Variants in PRR16 observed in about 807,000 individuals in gnomAD.
The protein encoded by PRR16 is protein Largen.
A neutral mutation model predicts 18.2 loss-of-function variants in PRR16; 6 were observed. The ratio of observed to expected loss-of-function variants is 0.33; its 90% CI spans 0.18 to 0.65. The LOEUF (loss-of-function observed/expected upper bound fraction) is 0.65, where lower values mean the gene tolerates loss of function less well. Ranked by LOEUF, PRR16 falls within the 30% of genes least tolerant of loss-of-function variation. The pLI is 0.74. For synonymous variants in PRR16, 151 were observed against 147.8 expected, an observed-to-expected ratio of 1.02 and a Z score of -0.16; for missense variants, 412 against 376.6, an observed-to-expected ratio of 1.09 and a Z score of -0.78.
chr5:120,531,777 A>T (rs539551835), intron 1 of PRR16, among the ~76,000 whole-genome samples: 6 of 152,260 alleles, frequency 3.9e-5, no homozygotes, highest in African/African-American at 1.4e-4. Context: ...TCCCAAGCAG[A>T]ATGATAAATT....
the PRR16 span, among the ~76,000 whole-genome samples, chr5:120,708,987 T>A: frequency 1.3e-3 from 2 of 1,508 alleles, no homozygotes; most frequent in African/African-American, 2.2e-3. Context: ...ACTTTTTTTT[T>A]TTTTTTTTTT....
chr5:120,545,025 C>T (rs1289226729), intron 1 of PRR16, among the ~76,000 whole-genome samples: 1 of 152,010 alleles, frequency 6.6e-6, no homozygotes, highest in Non-Finnish European at 1.5e-5. Flanking sequence ...TCCTTGTAGC[C>T]CAAGTCATCA....
At chr5:120,754,413 C>CTATATACTATATAATA in the PRR16 span, among the ~76,000 whole-genome samples, 1 of 24,194 alleles carries the variant, frequency 4.1e-5, no homozygotes, top group Non-Finnish European at 6.6e-5. Context: ...ATACTATATA[C>CTATATACTATATAATA]TATATATTAT....
the PRR16 span, among the ~76,000 whole-genome samples, chr5:120,780,173 C>G: frequency 1.3e-5 from 2 of 152,116 alleles, no homozygotes; most frequent in African/African-American, 4.8e-5. Context: ...TTATGAGCCC[C>G]AGACTCCAAA....
the PRR16 span, among the ~76,000 whole-genome samples, chr5:120,783,167 G>A: frequency 1.3e-5 from 2 of 152,096 alleles, no homozygotes; most frequent in African/African-American, 4.8e-5. Flanking sequence ...TGTTAACTTA[G>A]AACCAATGAT....
At chr5:120,784,729 G>T in the PRR16 span, among the ~76,000 whole-genome samples, 2 of 152,064 alleles carry the variant, frequency 1.3e-5, no homozygotes, top group African/African-American at 2.4e-5. Flanking sequence ...TTTTTCCCAG[G>T]TCTCAAGGAA....
At chr5:120,777,968 TTATTA>T in the PRR16 span, among the ~76,000 whole-genome samples, 3 of 152,100 alleles carry the variant, frequency 2.0e-5, no homozygotes, top group Non-Finnish European at 2.9e-5. Context: ...ATTATGGAAG[TTATTA>T]TATTTAATTC....
rs147633115 is a variant in PRR16, at chr5:120,500,344, C to T, written c.159+35699C>T. On this transcript the variant is annotated intron_variant, in intron 1 of 1. Coordinates refer to ENST00000407149, the MANE Select transcript of PRR16 (RefSeq NM_001300783.2). ...TGGCTGGGGATTGGTTCTTGAAGTC[C>T]CTAGCTTGTCTTTCTTCTTCTATCA... is the stretch of plus-strand genomic sequence containing the variant. Among the ~76,000 whole-genome samples, 7 of 152,158 alleles carry T rather than the reference C, an allele frequency of 4.6e-5. No individual in the cohort carries two copies. In the East Asian group the frequency reaches 1.4e-3, roughly 29 times the overall value.
At chr5:120,663,335 C>G (rs758651608) in intron 1 of PRR16, among the ~76,000 whole-genome samples, 4 of 152,104 alleles carry the variant, frequency 2.6e-5, no homozygotes, top group Non-Finnish European at 5.9e-5. Flanking sequence ...GAAGGGAATT[C>G]TACTTTATTC....
the PRR16 span, chr5:120,781,416 T>TGAA: frequency 6.6e-6 from 1 of 152,104 alleles, no homozygotes; most frequent in Non-Finnish European, 1.5e-5. Flanking sequence ...GACGCATGAG[T>TGAA]GAATAAAAAA....
chr5:120,765,450 A>G, the PRR16 span, among the ~76,000 whole-genome samples: 1 of 152,072 alleles, frequency 6.6e-6, no homozygotes, highest in African/African-American at 2.4e-5. Flanking sequence ...AAACTGTGAA[A>G]AACATCCAAC....
At chr5:120,540,234 A>C (rs375935100) in intron 1 of PRR16, among the ~76,000 whole-genome samples, 2 of 152,174 alleles carry the variant, frequency 1.3e-5, no homozygotes, top group Non-Finnish European at 2.9e-5. Flanking sequence ...CAGGACACAA[A>C]TTCTCAGCAG....
At chr5:120,671,852 T>A (rs952733135) in intron 1 of PRR16, among the ~76,000 whole-genome samples, 2 of 152,164 alleles carry the variant, frequency 1.3e-5, no homozygotes, top group Non-Finnish European at 2.9e-5. Context: ...AGAAATCTCA[T>A]GAACATAACT....
intron 1 of PRR16, among the ~76,000 whole-genome samples, chr5:120,564,988 GAAAAA>G (rs34900155): frequency 1.1e-5 from 1 of 91,890 alleles, no homozygotes. Flanking sequence ...TCTGTTTCCA[GAAAAA>G]AAAAAAAAAA....
chr5:120,504,821 G>A (rs1484479310), intron 1 of PRR16, among the ~76,000 whole-genome samples: 1 of 152,048 alleles, frequency 6.6e-6, no homozygotes, highest in Non-Finnish European at 1.5e-5. Context: ...CCAAAGAGTC[G>A]CATACCCTGG....
chr5:120,700,579 A>T, the PRR16 span, among the ~76,000 whole-genome samples: 23 of 152,154 alleles, frequency 1.5e-4, no homozygotes, highest in East Asian at 4.3e-3. Flanking sequence ...GGAACTGGGC[A>T]GGTGGGGATA....
chr5:120,549,070 C>T (rs1037338123), intron 1 of PRR16, among the ~76,000 whole-genome samples: 34 of 152,038 alleles, frequency 2.2e-4, no homozygotes, highest in Middle Eastern at 3.4e-3. Context: ...CTGTTTTCCT[C>T]ATACCTCCAA....
the PRR16 span, among the ~76,000 whole-genome samples, chr5:120,702,882 T>A: frequency 6.6e-6 from 1 of 152,096 alleles, no homozygotes; most frequent in Non-Finnish European, 1.5e-5. Context: ...GGTGGATCTT[T>A]CTCAGGGAGC....
chr5:120,568,726 A>C (rs1489830073), intron 1 of PRR16, among the ~76,000 whole-genome samples: 1 of 152,178 alleles, frequency 6.6e-6, no homozygotes, highest in African/African-American at 2.4e-5. Context: ...TAACTTATAC[A>C]TCAACACAAA....
Sources: gnomAD v4.1 joint callset for allele counts (sites outside exome capture counted in the v4.1 genomes callset) on GRCh38, gnomAD v4.1.1 for gene constraint, MANE v1.5 for transcripts, NCBI Gene and HGNC (gene_info 2026-07-23, HGNC 2026-07-21) for gene names.